Variants in PLCH1 observed in about 807,000 individuals in gnomAD.
PLCH1 encodes phospholipase C eta 1, also known as 1-phosphatidylinositol 4,5-bisphosphate phosphodiesterase eta-1.
PLCH1 carries 60 observed loss-of-function variants against 126.7 expected under a neutral mutation model. That is an observed-to-expected ratio of 0.47 (90% CI 0.38 to 0.59). The LOEUF (loss-of-function observed/expected upper bound fraction) is 0.59, where lower values mean the gene tolerates loss of function less well. Among genes scored for constraint, PLCH1 ranks in the 20% least tolerant of loss-of-function variants. The pLI is 0.00. For missense variants in PLCH1, 1,723 were observed against 2,040.0 expected (o/e 0.84, Z 2.99); for synonymous variants, 719 against 734.9 (o/e 0.98, Z 0.35).
chr3:155,491,701 ATT>A (rs1716228662), intron 18 of PLCH1, among the ~76,000 whole-genome samples: 1 of 152,144 alleles, frequency 6.6e-6, no homozygotes, highest in Non-Finnish European at 1.5e-5. Flanking sequence ...AATAGACAAA[ATT>A]TGTCTGCTGT....
At chr3:155,558,763 C>T (rs994231780) in intron 8 of PLCH1, among the ~76,000 whole-genome samples, 13 of 151,946 alleles carry the variant, frequency 8.6e-5, no homozygotes, top group South Asian at 2.1e-4. Context: ...TTAATATTTT[C>T]GGGGTGCAGC....
In PLCH1 at chr3:155,733,934, CATATATATATATATATATATATATAT is replaced by C. The variant is rs35149793; in HGVS notation, c.-41+10880_-41+10905del. On this transcript the variant is annotated intron_variant, in intron 1 of 22. Coordinates refer to ENST00000460012, the MANE Select transcript of PLCH1 (RefSeq NM_014996.4). Reference sequence around the variant, plus strand: ...AACATACAAATGGCCAACAGGTATACATATATATATATATATATATATATATATATATATATATATATATGCACTCA... The same window carrying C: ...AACATACAAATGGCCAACAGGTATACATATATATATATATATATGCACTCA... 3.8e-3 allele frequency among the ~76,000 whole-genome samples: 376 copies of C among 98,164 alleles called. 5 individuals carry two copies. Among genetic ancestry groups the C allele is most frequent in the African/African-American group, 9.2e-3 (276 of 30,078 alleles). The allele number at this position is 98,164 out of a possible 152,430, so 64.4% of individuals were successfully genotyped here.
intron 6 of PLCH1, among the ~76,000 whole-genome samples, chr3:155,582,075 C>CT (rs869254665): frequency 0.027 from 1,742 of 63,846 alleles, 41 homozygotes; most frequent in African/African-American, 0.048. Context: ...TCTTTTCTTT[C>CT]TTTTTTTTTT....
intron 12 of PLCH1, among the ~76,000 whole-genome samples, chr3:155,511,854 C>A (rs1359771216): frequency 6.6e-6 from 1 of 151,932 alleles, no homozygotes; most frequent in East Asian, 1.9e-4. Flanking sequence ...GGCAGGCAGG[C>A]CTCCTTGAGT....
In PLCH1 at chr3:155,619,498, T is replaced by TAAA. The variant is rs1553857946; in HGVS notation, c.80-23123_80-23121dup. On this transcript the variant is annotated intron_variant, in intron 2 of 22. Transcript: ENST00000460012. ...TTTTTCAAAACAAAAACAGAAAAAG[T>TAAA]AAAAAAAAAAAAAAAGAAGAAAAAG... Among the ~76,000 whole-genome samples, 426 of 133,536 alleles carry TAAA rather than the reference T, an allele frequency of 3.2e-3. 3 individuals carry two copies. The highest frequency in any genetic ancestry group is 0.019 in the South Asian group (84 of 4,402). 87.6% of individuals were successfully genotyped at this position (133,536 alleles called of 152,430 possible). A position where few individuals can be genotyped will look rare whatever the true frequency, so the allele number is the denominator to read the frequency against.
At chr3:155,501,670 C>T (rs1371492931) in intron 13 of PLCH1, among the ~76,000 whole-genome samples, 1 of 152,152 alleles carries the variant, frequency 6.6e-6, no homozygotes, top group Middle Eastern at 3.4e-3. Flanking sequence ...TGGCAGGTGC[C>T]TATAATCCCA....
At chr3:155,505,904 T>C (rs1718595512) in intron 12 of PLCH1, among the ~76,000 whole-genome samples, 1 of 152,034 alleles carries the variant, frequency 6.6e-6, no homozygotes, top group Non-Finnish European at 1.5e-5. Flanking sequence ...TTTTTTTTTT[T>C]TTTAATCTGT....
At chr3:155,597,130 C>T (rs972694795) in intron 2 of PLCH1, among the ~76,000 whole-genome samples, 1 of 98,120 alleles carries the variant, frequency 1.0e-5, no homozygotes, top group Non-Finnish European at 2.1e-5. Flanking sequence ...GGTAATGGTG[C>T]CCCAACTTTT....
At chr3:155,486,699 T>C (rs1715233512) in intron 21 of PLCH1, among the ~76,000 whole-genome samples, 1 of 151,626 alleles carries the variant, frequency 6.6e-6, no homozygotes, top group Non-Finnish European at 1.5e-5. Flanking sequence ...TAATTTTTTG[T>C]ATTTTTAGTA....
intron 1 of PLCH1, among the ~76,000 whole-genome samples, chr3:155,710,136 C>T (rs752558050): frequency 2.6e-5 from 4 of 152,052 alleles, no homozygotes; most frequent in African/African-American, 4.8e-5. Flanking sequence ...TACAGGCACA[C>T]GCCACCACAC....
chr3:155,458,566 GAAA>G (rs1179254702), intron 21 of PLCH1, among the ~76,000 whole-genome samples: 1 of 146,848 alleles, frequency 6.8e-6, no homozygotes, highest in Non-Finnish European at 1.5e-5. Flanking sequence ...GAAAAAGAAA[GAAA>G]GAAAGAAAGA....
chr3:155,600,368 T>C (rs1015030906), intron 2 of PLCH1, among the ~76,000 whole-genome samples: 1 of 152,216 alleles, frequency 6.6e-6, no homozygotes, highest in African/African-American at 2.4e-5. Context: ...AAAATCATTG[T>C]CCACCCATGC....
intron 6 of PLCH1, among the ~76,000 whole-genome samples, chr3:155,574,346 C>T (rs1486314196): frequency 1.3e-5 from 2 of 152,202 alleles, no homozygotes; most frequent in African/African-American, 4.8e-5. Flanking sequence ...TTGTTTTCAA[C>T]CCCTCTTTTC....
intron 1 of PLCH1, among the ~76,000 whole-genome samples, chr3:155,737,244 A>AAAG (rs1324238007): frequency 8.6e-5 from 13 of 150,454 alleles, no homozygotes; most frequent in African/African-American, 3.2e-4. Context: ...AAAAAAAAAA[A>AAAG]AAAAAGAGTA....
At chr3:155,664,938 C>A (rs1742562798) in intron 2 of PLCH1, among the ~76,000 whole-genome samples, 1 of 152,134 alleles carries the variant, frequency 6.6e-6, no homozygotes, top group Non-Finnish European at 1.5e-5. Flanking sequence ...TAAATGCTCA[C>A]CAAAACTTAC....
intron 1 of PLCH1, among the ~76,000 whole-genome samples, chr3:155,719,718 A>G (rs1451439408): frequency 1.3e-5 from 2 of 151,978 alleles, no homozygotes; most frequent in African/African-American, 4.8e-5. Context: ...TGTTCTCCAA[A>G]TCCATCCAGG....
At chr3:155,667,242 C>A (rs1742828048) in intron 2 of PLCH1, among the ~76,000 whole-genome samples, 1 of 152,156 alleles carries the variant, frequency 6.6e-6, no homozygotes, top group Non-Finnish European at 1.5e-5. Flanking sequence ...CTCTCCCCCA[C>A]TGTACACTAA....
chr3:155,481,361 T>C lies in PLCH1; in HGVS notation c.4665A>G (p.Ser1555=), dbSNP rs754525573. Residue 1555 remains serine (S), a synonymous_variant, in exon 23 of 23, where the codon TCA becomes TCG. Coordinates refer to ENST00000460012, the MANE Select transcript of PLCH1 (RefSeq NM_014996.4). This position sits in a 1 kb window ranked among gnomAD's most constrained non-coding sequence, Gnocchi z 4.2. The part of the protein sequence containing the change: ...DQEDNCQVLY[S]KQDANQLPRA... ...GGGGGAGCTGATTGGCATCCTGCTT[T>C]GAATATAGCACTTGGCAGTTGTCTT... 1.2e-6 allele frequency: 2 copies of C among 1,614,222 alleles called. No individual in the cohort carries two copies. The highest frequency in any genetic ancestry group is 3.3e-5 in the Admixed American group (2 of 60,034).
chr3:155,659,561 A>G (rs1223643560), intron 2 of PLCH1, among the ~76,000 whole-genome samples: 1 of 151,516 alleles, frequency 6.6e-6, no homozygotes, highest in African/African-American at 2.4e-5. Context: ...GTGCAGTAGC[A>G]TGATCTCGGC....
Sources: gnomAD v4.1 joint callset for allele counts (sites outside exome capture counted in the v4.1 genomes callset) on GRCh38, gnomAD v4.1.1 for gene constraint, Gnocchi (gnomAD v3.1) non-coding constraint, MANE v1.5 for transcripts, NCBI Gene and HGNC (gene_info 2026-07-23, HGNC 2026-07-21) for gene names.